VWC2: variants seen among roughly 807,000 people sequenced by gnomAD.
The protein encoded by VWC2 is brorin.
VWC2 carries 14 observed loss-of-function variants against 29.8 expected under a neutral mutation model. That is an observed-to-expected ratio of 0.47 (90% confidence interval 0.31 to 0.74). The LOEUF (loss-of-function observed/expected upper bound fraction) is 0.74, where lower values mean the gene tolerates loss of function less well. Ranked by LOEUF, VWC2 falls within the 30% of genes least tolerant of loss-of-function variation. The pLI, the probability that VWC2 is intolerant of heterozygous loss-of-function variation, is 0.05. For synonymous variants in VWC2, 213 were observed against 199.0 expected (o/e 1.07, Z -0.59); for missense variants, 457 against 459.8 (o/e 0.99, Z 0.05).
At chr7:49,833,094 T>A (rs563522465) in intron 3 of VWC2, among the ~76,000 whole-genome samples, 43 of 152,264 alleles carry the variant, frequency 2.8e-4, no homozygotes, top group Non-Finnish European at 4.4e-4. Context: ...GACGTGCTGA[T>A]GCATTGCATT....
intron 2 of VWC2, among the ~76,000 whole-genome samples, chr7:49,777,723 C>T (rs192575049): frequency 4.6e-5 from 7 of 152,212 alleles, no homozygotes; most frequent in Admixed American, 1.3e-4. Flanking sequence ...TTCCTGCCTA[C>T]GGGAGGGTCT....
At position 49,775,453 on chromosome 7, in the gene VWC2, G is replaced by T; in HGVS notation, c.18G>T (p.Ala6=). The change falls in exon 2 of 4, where the codon GCG becomes GCT. Residue 6 remains alanine, a synonymous_variant. Coordinates refer to ENST00000340652, the MANE Select transcript of VWC2 (RefSeq NM_198570.5). Reference sequence around the variant, plus strand: ...GGTAGGGGATGCCCAGCTCCACTGCGATGGCAGTTGGCGCGCTCTCCAGTT... The same window carrying T: ...GGTAGGGGATGCCCAGCTCCACTGCTATGGCAGTTGGCGCGCTCTCCAGTT... MPSST[A]MAVGALSSSL... is the part of the protein sequence containing the mutation. 1.4e-6 allele frequency: 2 copies of T among 1,419,128 alleles called. No homozygotes were observed. Among genetic ancestry groups the T allele is most frequent in the South Asian group, 1.4e-5 (1 of 72,084 alleles). The allele number at this position is 1,419,128 out of a possible 1,614,324, so 87.9% of individuals were successfully genotyped here.
chr7:49,812,726 A>T (rs1016241061), intron 3 of VWC2, among the ~76,000 whole-genome samples: 27 of 152,164 alleles, frequency 1.8e-4, no homozygotes, highest in African/African-American at 6.0e-4. Flanking sequence ...ACAGCCTGAC[A>T]TCTGCCATAT....
chr7:49,901,339 C>T (rs1460243465), intron 3 of VWC2: 1 of 151,608 alleles, frequency 6.6e-6, no homozygotes, highest in Non-Finnish European at 1.5e-5. Flanking sequence ...AGAAAAAAAA[C>T]TTCAGGAACT....
intron 3 of VWC2, 35 bp downstream of exon 3, chr7:49,802,875 TC>T (rs1390873155): frequency 1.2e-6 from 2 of 1,613,474 alleles, no homozygotes; most frequent in Non-Finnish European, 1.7e-6. Context: ...GGGGTGCACC[TC>T]CCACCCTGAT....
intron 3 of VWC2, among the ~76,000 whole-genome samples, chr7:49,841,619 C>A (rs137860833): frequency 0.021 from 3,133 of 152,302 alleles, 269 homozygotes; most frequent in Admixed American, 0.15. Context: ...CTCAGACCTT[C>A]CGGGAGGACA....
chr7:49,789,645 G>A (rs138323468), intron 2 of VWC2, among the ~76,000 whole-genome samples: 2 of 152,252 alleles, frequency 1.3e-5, no homozygotes, highest in East Asian at 3.9e-4. Context: ...GGATTACTTA[G>A]CTGTAATTCT....
Position 49,917,580 on chromosome 7 carries a change from AT to A in VWC2, c.*5398del, listed in dbSNP as rs1793792657. On this transcript the variant is annotated 3_prime_UTR_variant, in exon 4 of 4. Coordinates refer to ENST00000340652, the MANE Select transcript of VWC2 (RefSeq NM_198570.5). The stretch of plus-strand genomic sequence containing the variant: ...CAATCAAAGTATGTACCTAAAGTCA[AT>A]TTAGTATATTATGAATACAGCCTGA... 6.6e-6 allele frequency: 1 copy of A among 152,188 alleles called. No individual in the cohort carries two copies. The highest frequency in any genetic ancestry group is 1.5e-5 in the Non-Finnish European group (1 of 68,008). 9.4% of individuals were successfully genotyped at this position (152,188 alleles called of 1,614,324 possible). A position where few individuals can be genotyped will look rare whatever the true frequency, so the allele number is the denominator to read the frequency against.
chr7:49,912,199 C>G lies in VWC2; in HGVS notation c.*14C>G. 6.2e-7 allele frequency: 1 copy of G among 1,613,010 alleles called. No individual in the cohort carries two copies. Among genetic ancestry groups the G allele is most frequent in the Non-Finnish European group, 8.5e-7 (1 of 1,179,402 alleles). Reference sequence around the variant, plus strand: ...AGGCAAATGTAGACGCTTCCCAGAACACAAACTCTGACTTTTTCTAGAACA... The same window carrying G: ...AGGCAAATGTAGACGCTTCCCAGAAGACAAACTCTGACTTTTTCTAGAACA... On this transcript the variant is annotated 3_prime_UTR_variant, in exon 4 of 4. Coordinates refer to ENST00000340652, the MANE Select transcript of VWC2 (RefSeq NM_198570.5).
chr7:49,857,083 C>T (rs1202860776), intron 3 of VWC2, among the ~76,000 whole-genome samples: 1 of 141,222 alleles, frequency 7.1e-6, no homozygotes, highest in Non-Finnish European at 1.5e-5. Context: ...TTTTTAGGTG[C>T]ACAATATCAT....
At chr7:49,871,633 G>A (rs1791149984) in intron 3 of VWC2, among the ~76,000 whole-genome samples, 1 of 152,018 alleles carries the variant, frequency 6.6e-6, no homozygotes, top group Admixed American at 6.6e-5. Context: ...TATTCATTGT[G>A]ATATGAGAAT....
rs139969379 is a variant in VWC2 at position 49,818,948 on chromosome 7, C to T, written c.826+16108C>T. 0.012 allele frequency among the ~76,000 whole-genome samples: 1,766 copies of T among 151,684 alleles called. 54 individuals carry two copies. The South Asian group carries it at 0.12, about 10-fold the overall frequency. On this transcript the variant is annotated intron_variant, in intron 3 of 3. Coordinates refer to ENST00000340652, the MANE Select transcript of VWC2 (RefSeq NM_198570.5). ...ATATTATGTAAAGGAAGGCAACAGC[C>T]TCAGCAAATAAATTAAATGTGATTA...
intron 3 of VWC2, among the ~76,000 whole-genome samples, chr7:49,871,033 C>G (rs562174442): frequency 9.9e-5 from 15 of 152,026 alleles, no homozygotes; most frequent in Non-Finnish European, 2.1e-4. Flanking sequence ...GAAAAGTATT[C>G]CACAGAACCA....
intron 3 of VWC2, among the ~76,000 whole-genome samples, chr7:49,822,598 C>T (rs1789287579): frequency 6.6e-6 from 1 of 152,136 alleles, no homozygotes; most frequent in Non-Finnish European, 1.5e-5. Context: ...ACCACCACAC[C>T]CAGCTAGTTT....
At chr7:49,790,509 T>G (rs1788441987) in intron 2 of VWC2, among the ~76,000 whole-genome samples, 1 of 152,212 alleles carries the variant, frequency 6.6e-6, no homozygotes, top group South Asian at 2.1e-4. Flanking sequence ...CTCTCTGTCC[T>G]TAGTTTCTGT....
chr7:49,890,896 A>G (rs986071392), intron 3 of VWC2, among the ~76,000 whole-genome samples: 4 of 151,508 alleles, frequency 2.6e-5, no homozygotes. Context: ...TAGGAAACTC[A>G]CAAGCCAGGA....
chr7:49,794,187 G>A (rs1408482441), intron 2 of VWC2, among the ~76,000 whole-genome samples: 2 of 152,166 alleles, frequency 1.3e-5, no homozygotes, highest in East Asian at 3.8e-4. Flanking sequence ...TTGCATGCTA[G>A]CAAATGTAAG....
chr7:49,816,088 C>T (rs1197833715), intron 3 of VWC2, among the ~76,000 whole-genome samples: 1 of 151,902 alleles, frequency 6.6e-6, no homozygotes, highest in Non-Finnish European at 1.5e-5. Context: ...TGGGAGCGGA[C>T]CATATTTATG....
chr7:49,792,451 G>T (rs1346071372), intron 2 of VWC2, among the ~76,000 whole-genome samples: 1 of 152,228 alleles, frequency 6.6e-6, no homozygotes, highest in East Asian at 1.9e-4. Flanking sequence ...TGACCAGGCA[G>T]TGACTGCGAG....
Sources: gnomAD v4.1 joint callset for allele counts (sites outside exome capture counted in the v4.1 genomes callset) on GRCh38, gnomAD v4.1.1 for gene constraint, MANE v1.5 for transcripts, NCBI Gene and HGNC (gene_info 2026-07-23, HGNC 2026-07-21) for gene names.